The following LRMDA variants were observed in gnomAD, a reference collection of about 807,000 sequenced individuals.
The protein encoded by LRMDA is leucine-rich melanocyte differentiation-associated protein.
Under a neutral mutation model 29.8 loss-of-function variants are expected in LRMDA, and 18 were observed. The observed-to-expected ratio is 0.60, with a 90% CI of 0.42 to 0.90. LRMDA has a LOEUF of 0.90. LRMDA is among the 40% of genes least tolerant of loss of function. The pLI is 0.00. For missense variants in LRMDA, 273 were observed against 273.9 expected, an observed-to-expected ratio of 1.00 and a Z score of 0.02; for synonymous variants, 125 against 109.4, an observed-to-expected ratio of 1.14 and a Z score of -0.89.
intron 4 of LRMDA, among the ~76,000 whole-genome samples, chr10:76,054,880 A>G (rs952634284): frequency 7.9e-5 from 12 of 151,652 alleles, no homozygotes; most frequent in Admixed American, 5.9e-4. Flanking sequence ...CCTGGCCAAC[A>G]TGGTGAAACG....
intron 6 of LRMDA, among the ~76,000 whole-genome samples, chr10:76,489,400 C>T (rs149992665): frequency 5.3e-4 from 80 of 151,774 alleles, no homozygotes; most frequent in African/African-American, 1.6e-3. Context: ...TTTTGGTCAT[C>T]GCTCTTTTTT....
At chr10:76,521,124 T>C (rs897591048) in intron 6 of LRMDA, among the ~76,000 whole-genome samples, 6 of 143,310 alleles carry the variant, frequency 4.2e-5, no homozygotes, top group Non-Finnish European at 1.5e-5. Flanking sequence ...ATTCTATTCA[T>C]TATTACCATT....
chr10:76,063,779 T>G (rs543815340), intron 5 of LRMDA, among the ~76,000 whole-genome samples: 1 of 152,232 alleles, frequency 6.6e-6, no homozygotes, highest in African/African-American at 2.4e-5. Context: ...ACTCTTGGAG[T>G]TAGGTCCTCA....
chr10:76,214,413 C>A (rs553771183), intron 5 of LRMDA, among the ~76,000 whole-genome samples: 1 of 143,684 alleles, frequency 7.0e-6, no homozygotes, highest in Non-Finnish European at 1.5e-5. Flanking sequence ...GGCGCAATCT[C>A]GGCTCACTGT....
rs564695937 is a variant in LRMDA, at chr10:76,190,986, T to C, written c.516+132203T>C. On this transcript the variant is annotated intron_variant, in intron 5 of 6. Transcript: ENST00000611255. ...TTGTTGTATGTAACCCCGAGCGGCT[T>C]TGCTCTTTCATCTATATGAAGAGAT... Among the ~76,000 whole-genome samples, 5 of 152,282 alleles carry C rather than the reference T, an allele frequency of 3.3e-5. No individual in the cohort carries two copies. In the East Asian group the frequency reaches 9.7e-4, roughly 29 times the overall value.
intron 2 of LRMDA, among the ~76,000 whole-genome samples, chr10:75,922,987 C>G (rs892031295): frequency 6.6e-6 from 1 of 152,136 alleles, no homozygotes; most frequent in Non-Finnish European, 1.5e-5. Context: ...TAAAGTCACT[C>G]TAAGGGATAC....
At chr10:75,967,212 A>G (rs910723661) in intron 2 of LRMDA, among the ~76,000 whole-genome samples, 9 of 152,174 alleles carry the variant, frequency 5.9e-5, no homozygotes, top group African/African-American at 1.7e-4. Flanking sequence ...ATTTTCAGGT[A>G]TGTCTAATTC....
At chr10:76,356,737 T>G (rs1048510755) in intron 6 of LRMDA, among the ~76,000 whole-genome samples, 2 of 152,178 alleles carry the variant, frequency 1.3e-5, no homozygotes, top group African/African-American at 4.8e-5. Flanking sequence ...TAATGGCTTG[T>G]GTGTGCGTGT....
At chr10:76,317,043 G>A (rs1335283186) in intron 5 of LRMDA, among the ~76,000 whole-genome samples, 6 of 152,174 alleles carry the variant, frequency 3.9e-5, no homozygotes, top group Admixed American at 6.5e-5. Context: ...GTGAAGCAGG[G>A]GAGAATAGAG....
At chr10:76,026,479 A>G (rs980381611) in intron 2 of LRMDA, among the ~76,000 whole-genome samples, 8 of 152,232 alleles carry the variant, frequency 5.3e-5, no homozygotes, top group African/African-American at 1.7e-4. Flanking sequence ...TGAGTCTATA[A>G]GAAGACTATA....
intron 2 of LRMDA, among the ~76,000 whole-genome samples, chr10:75,755,042 GT>G (rs76622708): frequency 0.039 from 5,699 of 145,046 alleles, 348 homozygotes; most frequent in African/African-American, 0.13. Flanking sequence ...AAGTTTTTTG[GT>G]TTTTTTTTTT....
chr10:75,891,696 A>G (rs1845494710), intron 2 of LRMDA, among the ~76,000 whole-genome samples: 1 of 152,160 alleles, frequency 6.6e-6, no homozygotes, highest in South Asian at 2.1e-4. Flanking sequence ...TCAGAGTGTG[A>G]TTGCCATGGG....
chr10:75,817,857 A>C (rs567999050), intron 2 of LRMDA, among the ~76,000 whole-genome samples: 1 of 152,298 alleles, frequency 6.6e-6, no homozygotes, highest in South Asian at 2.1e-4. Context: ...AGCAGGGAGG[A>C]TATTTCATTA....
rs190798799 is a variant in LRMDA at position 75,750,071 on chromosome 10, C to A, written c.132-285937C>A. On this transcript the variant is annotated intron_variant, in intron 2 of 6. Coordinates refer to ENST00000611255, the MANE Select transcript of LRMDA (RefSeq NM_001305581.2). ...ACAATCTGATTTCTCTTTCTTTTCC[C>A]CACTTTTCCCCCTTTTTCTATTCGA... Among the ~76,000 whole-genome samples, 392 of 152,348 alleles carry A rather than the reference C, an allele frequency of 2.6e-3. 4 individuals are homozygous for A. Among genetic ancestry groups the A allele is most frequent in the African/African-American group, 9.0e-3 (376 of 41,578 alleles).
chr10:75,682,422 A>T (rs1204231129), intron 2 of LRMDA, among the ~76,000 whole-genome samples: 1 of 106,984 alleles, frequency 9.3e-6, no homozygotes, highest in Non-Finnish European at 2.3e-5. Context: ...CAACCAGAAG[A>T]GTGTGTGTGG....
Position 75,923,320 on chromosome 10 carries a change from A to T in LRMDA, c.132-112688A>T, listed in dbSNP as rs868469191. The stretch of plus-strand genomic sequence containing the variant: ...AACAAAAATTCAACTTGTTATAGTC[A>T]ATGAAGTCAATGGTTCAGTTAATAA... On this transcript the variant is annotated intron_variant, in intron 2 of 6. Coordinates refer to ENST00000611255, the MANE Select transcript of LRMDA (RefSeq NM_001305581.2). Among the ~76,000 whole-genome samples, 11 of 152,330 alleles carry T rather than the reference A, an allele frequency of 7.2e-5. 1 individual carries two copies. In the Middle Eastern group the frequency reaches 0.02, roughly 283 times the overall value.
intron 2 of LRMDA, among the ~76,000 whole-genome samples, chr10:75,659,296 G>A (rs963594689): frequency 6.6e-6 from 1 of 152,080 alleles, no homozygotes; most frequent in African/African-American, 2.4e-5. Context: ...TTAAAACCCA[G>A]CTTTCTTCCC....
At chr10:76,234,127 T>C (rs937196939) in intron 5 of LRMDA, among the ~76,000 whole-genome samples, 3 of 152,234 alleles carry the variant, frequency 2.0e-5, no homozygotes, top group African/African-American at 7.2e-5. Flanking sequence ...TTGAAATTAC[T>C]CCTTGATACA....
chr10:75,720,738 G>T (rs1219284557), intron 2 of LRMDA, among the ~76,000 whole-genome samples: 1 of 152,198 alleles, frequency 6.6e-6, no homozygotes, highest in African/African-American at 2.4e-5. Context: ...CATCTACTGG[G>T]TGACTAGAGT....
Sources: gnomAD v4.1 joint callset for allele counts (sites outside exome capture counted in the v4.1 genomes callset) on GRCh38, gnomAD v4.1.1 for gene constraint, MANE v1.5 for transcripts, NCBI Gene and HGNC (gene_info 2026-07-23, HGNC 2026-07-21) for gene names.